GRIN2B: variants seen among roughly 807,000 people sequenced by gnomAD.
The protein encoded by GRIN2B is glutamate receptor ionotropic, NMDA 2B.
A neutral mutation model predicts 114.5 loss-of-function variants in GRIN2B; 5 were observed. That is an observed-to-expected ratio of 0.04 (90% CI 0.02 to 0.09). GRIN2B has a LOEUF of 0.09. Among genes scored for constraint, GRIN2B ranks in the 10% least tolerant of loss-of-function variants. The probability of loss-of-function intolerance (pLI) is 1.00; values close to 1 mark genes in which losing one functional copy is unlikely to be tolerated. For missense variants in GRIN2B, 1,108 were observed against 1,943.5 expected, an observed-to-expected ratio of 0.57 and a Z score of 8.08; for synonymous variants, 787 against 745.1, an observed-to-expected ratio of 1.06 and a Z score of -0.92.
intron 2 of GRIN2B, among the ~76,000 whole-genome samples, chr12:13,895,487 A>G (rs1222665533): frequency 6.6e-6 from 1 of 152,174 alleles, no homozygotes; most frequent in East Asian, 1.9e-4. Flanking sequence ...CTCAATTAGC[A>G]GAATAAACTG....
chr12:13,568,047 T>C (rs1053904615), intron 12 of GRIN2B, among the ~76,000 whole-genome samples: 2 of 151,918 alleles, frequency 1.3e-5, no homozygotes, highest in African/African-American at 4.8e-5. Context: ...GATTTACTGA[T>C]CTCTTGTTGA....
chr12:13,549,542 G>A lies in GRIN2B; in HGVS notation c.*13241C>T, dbSNP rs1948385206. On this transcript the variant is annotated 3_prime_UTR_variant, in exon 14 of 14. Transcript: ENST00000609686. ...CCTTGAGGCTGCCCTGCTCACTGTG[G>A]GCTGACCAAAACTACTGACACCTTC... 1 of 152,072 alleles carries A rather than the reference G, an allele frequency of 6.6e-6. No homozygotes were observed. The highest frequency in any genetic ancestry group is 6.6e-5 in the Admixed American group (1 of 15,260). 9.4% of individuals were successfully genotyped at this position (152,072 alleles called of 1,614,324 possible).
At chr12:13,648,635 G>A (rs1357736979) in intron 5 of GRIN2B, among the ~76,000 whole-genome samples, 1 of 151,900 alleles carries the variant, frequency 6.6e-6, no homozygotes, top group Non-Finnish European at 1.5e-5. Flanking sequence ...ACAATAGGCA[G>A]GGTCCAGTTG....
chr12:13,600,496 T>C (rs1290851916), intron 10 of GRIN2B, among the ~76,000 whole-genome samples: 2 of 144,460 alleles, frequency 1.4e-5, no homozygotes, highest in Non-Finnish European at 3.1e-5. Flanking sequence ...GATGTGTGTG[T>C]GCATGTGTGT....
At chr12:13,691,510 A>C (rs1950214898) in intron 4 of GRIN2B, among the ~76,000 whole-genome samples, 1 of 152,220 alleles carries the variant, frequency 6.6e-6, no homozygotes, top group Non-Finnish European at 1.5e-5. Flanking sequence ...GCATCCTAGC[A>C]TAACCTACAG....
In GRIN2B at chr12:13,822,097, C is replaced by T. The variant is rs1314968418; in HGVS notation, c.411+43701G>A. On this transcript the variant is annotated intron_variant, in intron 3 of 13. Coordinates refer to ENST00000609686, the MANE Select transcript of GRIN2B (RefSeq NM_000834.5). ...TCTGCCTTCTGAACTATAAGTATTC[C>T]TTAAAGGGCTGGGCCTAAAGTCTTA... 7.9e-5 allele frequency among the ~76,000 whole-genome samples: 12 copies of T among 152,162 alleles called. 1 individual carries two copies. In the East Asian group the frequency reaches 2.3e-3, roughly 29 times the overall value.
intron 4 of GRIN2B, among the ~76,000 whole-genome samples, chr12:13,730,792 C>T (rs1038672624): frequency 6.6e-6 from 1 of 152,106 alleles, no homozygotes; most frequent in Non-Finnish European, 1.5e-5. Flanking sequence ...AATAATTAAT[C>T]CCTGATTAAT....
chr12:13,864,472 T>C (rs1387147029), intron 3 of GRIN2B, among the ~76,000 whole-genome samples: 2 of 152,180 alleles, frequency 1.3e-5, no homozygotes, highest in Non-Finnish European at 2.9e-5. Flanking sequence ...AGTATGACAA[T>C]GACAATAGTA....
intron 2 of GRIN2B, among the ~76,000 whole-genome samples, chr12:13,920,327 C>G (rs1474046075): frequency 6.6e-6 from 1 of 151,994 alleles, no homozygotes; most frequent in Non-Finnish European, 1.5e-5. Context: ...TTAAATTTCC[C>G]CAACTCACTT....
At chr12:13,613,970 T>A (rs977233532) in intron 8 of GRIN2B, among the ~76,000 whole-genome samples, 1 of 144,210 alleles carries the variant, frequency 6.9e-6, no homozygotes, top group Admixed American at 7.3e-5. Context: ...AGAATTAGAA[T>A]GTGGTTTTGT....
At chr12:13,628,331 T>C (rs558766824) in intron 5 of GRIN2B, among the ~76,000 whole-genome samples, 1 of 152,306 alleles carries the variant, frequency 6.6e-6, no homozygotes, top group South Asian at 2.1e-4. Context: ...GAAATGATTA[T>C]ACTGGTCTTC....
At chr12:13,578,168 C>T (rs1413348038) in intron 10 of GRIN2B, among the ~76,000 whole-genome samples, 1 of 152,182 alleles carries the variant, frequency 6.6e-6, no homozygotes, top group Non-Finnish European at 1.5e-5. Flanking sequence ...AATCCTCCTA[C>T]CTCAGCCTCC....
chr12:13,568,146 T>TTTGATCACTTTAACTCA (rs1437454207), intron 12 of GRIN2B, among the ~76,000 whole-genome samples: 1 of 152,170 alleles, frequency 6.6e-6, no homozygotes, highest in East Asian at 1.9e-4. Context: ...TTAACGGTGC[T>TTTGATCACTTTAACTCA]TTGATCACTT....
Position 13,562,495 on chromosome 12 carries a change from C to T in GRIN2B, c.*288G>A. 1 of 413,898 alleles carries T rather than the reference C, an allele frequency of 2.4e-6. No homozygotes were observed. The allele number at this position is 413,898 out of a possible 1,614,324, so 25.6% of individuals were successfully genotyped here. ...GAAGCCCGCATGCAGCCCTTCCTTT[C>T]TCCGCTCTACCCTCCCCTGCTGAGA... On this transcript the variant is annotated 3_prime_UTR_variant, in exon 14 of 14. Coordinates refer to ENST00000609686, the MANE Select transcript of GRIN2B (RefSeq NM_000834.5).
At chr12:13,802,729 T>C (rs1204368428) in intron 3 of GRIN2B, among the ~76,000 whole-genome samples, 2 of 152,182 alleles carry the variant, frequency 1.3e-5, no homozygotes, top group South Asian at 4.1e-4. Flanking sequence ...GTATGTGCAA[T>C]ATGACTTTAT....
rs146786042 is a variant in GRIN2B at position 13,965,281 on chromosome 12, A to G, written c.-19+14647T>C. Reference sequence around the variant, plus strand: ...AAAGGTTTGATATTTTTTGCAACCTAGTATTTATGCTTATGAGTTTGTAAT... The same window carrying G: ...AAAGGTTTGATATTTTTTGCAACCTGGTATTTATGCTTATGAGTTTGTAAT... On this transcript the variant is annotated intron_variant, in intron 2 of 13. Transcript: ENST00000609686. Among the ~76,000 whole-genome samples the G allele has an allele frequency of 3.3e-5, 5 of 152,276 alleles. No individual in the cohort carries two copies. In the East Asian group the frequency reaches 9.6e-4, roughly 29 times the overall value.
intron 5 of GRIN2B, among the ~76,000 whole-genome samples, chr12:13,654,994 G>T (rs78067818): frequency 6.6e-6 from 1 of 151,986 alleles, no homozygotes; most frequent in East Asian, 1.9e-4. Context: ...ATATTTCAAC[G>T]GAAGAAATGG....
chr12:13,737,355 G>T (rs1289196099), intron 4 of GRIN2B, among the ~76,000 whole-genome samples: 1 of 151,844 alleles, frequency 6.6e-6, no homozygotes, highest in Non-Finnish European at 1.5e-5. Flanking sequence ...GGGACTACAG[G>T]CACCTGACAC....
chr12:13,934,926 C>G (rs1056050241), intron 2 of GRIN2B, among the ~76,000 whole-genome samples: 29 of 152,176 alleles, frequency 1.9e-4, no homozygotes, highest in African/African-American at 6.8e-4. Flanking sequence ...TTCTAGGTCT[C>G]CAGCTAAAAA....
Sources: allele counts gnomAD v4.1 joint callset (sites outside exome capture counted in the v4.1 genomes callset), GRCh38; gene constraint gnomAD v4.1.1; transcripts MANE v1.5; gene names NCBI Gene and HGNC (gene_info 2026-07-23, HGNC 2026-07-21).